ZMAT4: variants seen among roughly 807,000 people sequenced by gnomAD.
ZMAT4 encodes the protein zinc finger matrin-type protein 4.
Under a neutral mutation model 28.7 loss-of-function variants are expected in ZMAT4, and 17 were observed. That is an observed-to-expected ratio of 0.59 (90% CI 0.41 to 0.89). ZMAT4 has a LOEUF of 0.89. Among genes scored for constraint, ZMAT4 ranks in the 40% least tolerant of loss-of-function variants. The pLI is 0.00. For missense variants in ZMAT4, 240 were observed against 283.8 expected (o/e 0.85, Z 1.11); for synonymous variants, 117 against 109.2 (o/e 1.07, Z -0.44).
intron 6 of ZMAT4, among the ~76,000 whole-genome samples, chr8:40,563,688 A>G (rs1409400586): frequency 2.6e-5 from 4 of 152,214 alleles, no homozygotes; most frequent in African/African-American, 9.6e-5. Flanking sequence ...TTCCACATGC[A>G]TGATTCTGCT....
chr8:40,849,182 C>T (rs1046919145), intron 1 of ZMAT4, among the ~76,000 whole-genome samples: 4 of 152,196 alleles, frequency 2.6e-5, no homozygotes, highest in Admixed American at 6.5e-5. Context: ...GGCCAAGGGG[C>T]GTGGGAGGAA....
intron 5 of ZMAT4, among the ~76,000 whole-genome samples, chr8:40,660,402 G>A (rs1018061129): frequency 1.7e-4 from 26 of 152,190 alleles, no homozygotes; most frequent in African/African-American, 6.0e-4. Flanking sequence ...AATAATGTTA[G>A]ATTGCTTGCA....
chr8:40,754,048 T>C (rs1215986896), intron 3 of ZMAT4, among the ~76,000 whole-genome samples: 1 of 151,862 alleles, frequency 6.6e-6, no homozygotes, highest in Non-Finnish European at 1.5e-5. Flanking sequence ...GGCACACGCC[T>C]GTAGTCTCAG....
At chr8:40,686,972 G>A (rs993766522) in intron 4 of ZMAT4, among the ~76,000 whole-genome samples, 11 of 152,088 alleles carry the variant, frequency 7.2e-5, no homozygotes, top group Non-Finnish European at 1.6e-4. Flanking sequence ...AACATGAGGC[G>A]GGAAAAGTGG....
intron 3 of ZMAT4, among the ~76,000 whole-genome samples, chr8:40,698,898 C>T (rs1810007496): frequency 6.6e-6 from 1 of 151,716 alleles, no homozygotes; most frequent in Non-Finnish European, 1.5e-5. Context: ...GAGGGGCTTT[C>T]CCAATAGGTC....
At chr8:40,873,722 A>G (rs1171224607) in intron 1 of ZMAT4, among the ~76,000 whole-genome samples, 1 of 152,198 alleles carries the variant, frequency 6.6e-6, no homozygotes, top group Non-Finnish European at 1.5e-5. Flanking sequence ...GTCACCCCAC[A>G]AAGTAGTCCC....
At chr8:40,600,465 C>A (rs1805261711) in intron 5 of ZMAT4, among the ~76,000 whole-genome samples, 1 of 152,222 alleles carries the variant, frequency 6.6e-6, no homozygotes, top group Admixed American at 6.5e-5. Flanking sequence ...GATTCCAGCC[C>A]ACATAGCCTT....
At chr8:40,758,354 GA>G (rs1812781527) in intron 3 of ZMAT4, among the ~76,000 whole-genome samples, 1 of 152,144 alleles carries the variant, frequency 6.6e-6, no homozygotes, top group Non-Finnish European at 1.5e-5. Context: ...AAAGTTGGTA[GA>G]CTCAGTGAAA....
intron 1 of ZMAT4, among the ~76,000 whole-genome samples, chr8:40,843,891 T>C (rs1277182270): frequency 6.6e-6 from 1 of 152,180 alleles, no homozygotes; most frequent in East Asian, 1.9e-4. Context: ...GGAAAATAAA[T>C]CCAGCAAGAA....
chr8:40,684,202 A>G (rs1180324146), intron 4 of ZMAT4, among the ~76,000 whole-genome samples: 3 of 152,224 alleles, frequency 2.0e-5, no homozygotes, highest in Non-Finnish European at 2.9e-5. Context: ...AAAGAAAAGT[A>G]CAGAGACATT....
chr8:40,571,413 T>C (rs960933528), intron 6 of ZMAT4, among the ~76,000 whole-genome samples: 2 of 152,170 alleles, frequency 1.3e-5, no homozygotes, highest in African/African-American at 4.8e-5. Flanking sequence ...AGCTACTGCC[T>C]TTTCCATGTG....
rs184509975 is a variant in ZMAT4, at chr8:40,535,450, C to T, written c.675-3212G>A. ...CTTTGGGAGGCTGAGGCAGGCGGAT[C>T]ATGAGGTCAAGAGATCGAGACCATC... On this transcript the variant is annotated intron_variant, in intron 6 of 6. Transcript: ENST00000297737. 6.7e-3 allele frequency among the ~76,000 whole-genome samples: 1,020 copies of T among 152,184 alleles called. 6 individuals are homozygous for T. The highest frequency in any genetic ancestry group is 0.024 in the Middle Eastern group (7 of 294).
At chr8:40,615,432 T>C (rs986140419) in intron 5 of ZMAT4, among the ~76,000 whole-genome samples, 2 of 152,290 alleles carry the variant, frequency 1.3e-5, no homozygotes, top group Non-Finnish European at 2.9e-5. Context: ...AGAAGTATCT[T>C]TGTGGCATTC....
chr8:40,553,422 G>A (rs908018737), intron 6 of ZMAT4, among the ~76,000 whole-genome samples: 2 of 152,124 alleles, frequency 1.3e-5, no homozygotes, highest in Non-Finnish European at 2.9e-5. Flanking sequence ...GTAGAGGGTG[G>A]CATACTGCAT....
intron 3 of ZMAT4, among the ~76,000 whole-genome samples, chr8:40,713,914 A>T (rs1341703141): frequency 6.7e-6 from 1 of 149,550 alleles, no homozygotes; most frequent in African/African-American, 2.5e-5. Context: ...CATCTCAAAA[A>T]CAAAACCAAA....
intron 2 of ZMAT4, among the ~76,000 whole-genome samples, chr8:40,791,683 A>T (rs1814330688): frequency 6.6e-6 from 1 of 152,174 alleles, no homozygotes; most frequent in African/African-American, 2.4e-5. Flanking sequence ...CAGAACATAG[A>T]TTTTTTTAAA....
intron 1 of ZMAT4, among the ~76,000 whole-genome samples, chr8:40,832,182 A>T (rs1417007104): frequency 2.6e-5 from 4 of 152,070 alleles, no homozygotes; most frequent in Non-Finnish European, 4.4e-5. Context: ...AAATTCATAA[A>T]AGGAAAGCCA....
At chr8:40,794,495 C>T (rs892900680) in intron 2 of ZMAT4, among the ~76,000 whole-genome samples, 5 of 152,218 alleles carry the variant, frequency 3.3e-5, no homozygotes, top group East Asian at 3.9e-4. Flanking sequence ...CACAGTCCTG[C>T]TTCTCTATCA....
chr8:40,767,056 C>G (rs773486488), intron 3 of ZMAT4, among the ~76,000 whole-genome samples: 2 of 152,170 alleles, frequency 1.3e-5, no homozygotes, highest in Admixed American at 6.5e-5. Context: ...ATTTCATCAG[C>G]CTTTGCCTTG....
Sources: gnomAD v4.1 joint callset for allele counts (sites outside exome capture counted in the v4.1 genomes callset) on GRCh38, gnomAD v4.1.1 for gene constraint, MANE v1.5 for transcripts, NCBI Gene and HGNC (gene_info 2026-07-23, HGNC 2026-07-21) for gene names.